RNF144B: variants seen among roughly 807,000 people sequenced by gnomAD.
RNF144B encodes the protein E3 ubiquitin-protein ligase RNF144B.
In RNF144B, 25 loss-of-function variants were observed where a neutral mutation model predicts 40.2. The observed-to-expected ratio is 0.62, with a 90% CI of 0.45 to 0.87. The LOEUF is 0.87. Ranked by LOEUF, RNF144B falls within the 40% of genes least tolerant of loss-of-function variation. The pLI is 0.00. For missense variants in RNF144B, 365 were observed against 373.7 expected (o/e 0.98, Z 0.19); for synonymous variants, 145 against 136.3 (o/e 1.06, Z -0.44).
chr6:18,397,964 C>T (rs562255160), intron 1 of RNF144B, among the ~76,000 whole-genome samples: 2 of 152,068 alleles, frequency 1.3e-5, no homozygotes, highest in Non-Finnish European at 2.9e-5. Context: ...AACTCTGTAC[C>T]CGTTGAACAT....
At chr6:18,411,282 G>A (rs1207751947) in intron 2 of RNF144B, among the ~76,000 whole-genome samples, 1 of 150,666 alleles carries the variant, frequency 6.6e-6, no homozygotes, top group Non-Finnish European at 1.5e-5. Flanking sequence ...CGTGCCCAGT[G>A]AAAGTACATT....
In RNF144B at chr6:18,388,500, AG is replaced by A. The variant is rs1220712183; in HGVS notation, c.-37+871del. On this transcript the variant is annotated intron_variant, in intron 1 of 7. Coordinates refer to ENST00000259939, the MANE Select transcript of RNF144B (RefSeq NM_182757.4). ...TGTGGGTAAGAGGCAAAAGGAACCT[AG>A]CCAGTCCTAACTGAGTTGCTGGCTA... Among the ~76,000 whole-genome samples, 3 of 152,220 alleles carry A rather than the reference AG, an allele frequency of 2.0e-5. No individual in the cohort carries two copies. In the East Asian group the frequency reaches 5.8e-4, roughly 29 times the overall value.
chr6:18,444,975 G>T lies in RNF144B; in HGVS notation c.331+5231G>T, dbSNP rs145934338. Among the ~76,000 whole-genome samples, 22 of 152,198 alleles carry T rather than the reference G, an allele frequency of 1.4e-4. No homozygotes were observed. Among genetic ancestry groups the T allele is most frequent in the African/African-American group, 4.8e-4 (20 of 41,524 alleles). On this transcript the variant is annotated intron_variant, in intron 4 of 7. Transcript: ENST00000259939. This position sits in a 1 kb window ranked among gnomAD's most constrained non-coding sequence, Gnocchi z 4.3. ...CCCAGCTTTTGTATCTGATCATAAA[G>T]GTTTTATTCCATCAGAGCTCCCTAT...
At chr6:18,455,209 T>A (rs1382103920) in intron 4 of RNF144B, among the ~76,000 whole-genome samples, 1 of 152,186 alleles carries the variant, frequency 6.6e-6, no homozygotes, top group Non-Finnish European at 1.5e-5. Flanking sequence ...CCATCTCTGT[T>A]GGGGTCTGAG....
rs911737593 is a variant in RNF144B at position 18,425,643 on chromosome 6, G to A, written c.166-1938G>A. On this transcript the variant is annotated intron_variant, in intron 2 of 7. Coordinates refer to ENST00000259939, the MANE Select transcript of RNF144B (RefSeq NM_182757.4). The surrounding 1 kb of genome is among the most constrained non-coding windows in gnomAD (Gnocchi z 4.2). ...ACAAGGAAGTCAGGGTTAAAACACA[G>A]TAATTATATGGCGGTCAAGTGCAAG... 3.9e-5 allele frequency among the ~76,000 whole-genome samples: 6 copies of A among 152,302 alleles called. No individual in the cohort carries two copies. The highest frequency in any genetic ancestry group is 1.4e-4 in the African/African-American group (6 of 41,582).
chr6:18,422,021 T>C lies in RNF144B; in HGVS notation c.166-5560T>C, dbSNP rs1758439586. ...CCAACACCTACAAGGGGGAGGTTGGTCACCTAAGTAATCTCATATTGGTGA... is the reference window on the plus strand; with the variant it reads ...CCAACACCTACAAGGGGGAGGTTGGCCACCTAAGTAATCTCATATTGGTGA... On this transcript the variant is annotated intron_variant, in intron 2 of 7. Transcript: ENST00000259939. The surrounding 1 kb of genome is among the most constrained non-coding windows in gnomAD (Gnocchi z 4.7). Among the ~76,000 whole-genome samples the C allele has an allele frequency of 6.6e-6, 1 of 152,166 alleles. No individual in the cohort carries two copies. Among genetic ancestry groups the C allele is most frequent in the South Asian group, 2.1e-4 (1 of 4,828 alleles).
Position 18,464,793 on chromosome 6 carries a change from G to T in RNF144B, c.772-134G>T. On this transcript the variant is annotated intron_variant, in intron 7 of 7. Transcript: ENST00000259939. This position sits in a 1 kb window ranked among gnomAD's most constrained non-coding sequence, Gnocchi z 6.1. ...TCGTCTCCAAATACCGTCACATCGG[G>T]GATTTAGGGTTTCAACATATGAGCT... 1.2e-6 allele frequency: 1 copy of T among 833,754 alleles called. No individual in the cohort carries two copies. 51.6% of individuals were successfully genotyped at this position (833,754 alleles called of 1,614,324 possible). A position where few individuals can be genotyped will look rare whatever the true frequency, so the allele number is the denominator to read the frequency against.
At position 18,456,333 on chromosome 6, in the gene RNF144B, A is replaced by G. The variant is rs925089833; in HGVS notation, c.332-822A>G. On this transcript the variant is annotated intron_variant, in intron 4 of 7. Transcript: ENST00000259939. The surrounding 1 kb of genome is among the most constrained non-coding windows in gnomAD (Gnocchi z 4.7). ...GCTAAGCCACACCAGATACTGTTTA[A>G]TCCCTAAACTATTTGATTATTTTCT... 5.9e-5 allele frequency among the ~76,000 whole-genome samples: 9 copies of G among 152,210 alleles called. No individual in the cohort carries two copies. Among genetic ancestry groups the G allele is most frequent in the African/African-American group, 1.9e-4 (8 of 41,456 alleles).
intron 2 of RNF144B, among the ~76,000 whole-genome samples, chr6:18,427,039 G>T (rs778004780): frequency 2.6e-5 from 4 of 152,068 alleles, no homozygotes; most frequent in African/African-American, 4.8e-5. Flanking sequence ...AGTTATCTTT[G>T]CTGTCCCCAG....
intron 2 of RNF144B, among the ~76,000 whole-genome samples, chr6:18,404,121 G>A (rs1014742923): frequency 6.6e-6 from 1 of 152,212 alleles, no homozygotes; most frequent in Non-Finnish European, 1.5e-5. Context: ...GACATTTACA[G>A]TTTGGGAGGA....
At position 18,422,904 on chromosome 6, in the gene RNF144B, C is replaced by A. The variant is rs921103465; in HGVS notation, c.166-4677C>A. ...CCAGGAGTTTGAGGTTTGCAATGAG[C>A]CATAATTGTGCCACTGCACCCTGGG... On this transcript the variant is annotated intron_variant, in intron 2 of 7. Coordinates refer to ENST00000259939, the MANE Select transcript of RNF144B (RefSeq NM_182757.4). The surrounding 1 kb of genome is among the most constrained non-coding windows in gnomAD (Gnocchi z 4.7). 1.3e-5 allele frequency among the ~76,000 whole-genome samples: 2 copies of A among 151,212 alleles called. No individual in the cohort carries two copies. The highest frequency in any genetic ancestry group is 4.9e-5 in the African/African-American group (2 of 41,072).
At chr6:18,407,989 T>TC (rs1491047549) in intron 2 of RNF144B, among the ~76,000 whole-genome samples, 1 of 149,640 alleles carries the variant, frequency 6.7e-6, no homozygotes, top group African/African-American at 2.4e-5. Context: ...TTTTTCTTTT[T>TC]TTTTTTTTTT....
In RNF144B at chr6:18,458,185, G is replaced by A. The variant is rs959871093; in HGVS notation, c.536+826G>A. On this transcript the variant is annotated intron_variant, in intron 5 of 7. Transcript: ENST00000259939. This position sits in a 1 kb window ranked among gnomAD's most constrained non-coding sequence, Gnocchi z 4.8. ...AATCCTGACCTCAAGTGATCCACCCGCCTAGGCCTCCCAAAGTGCTAGGAT... is the reference window on the plus strand; with the variant it reads ...AATCCTGACCTCAAGTGATCCACCCACCTAGGCCTCCCAAAGTGCTAGGAT... Among the ~76,000 whole-genome samples, 17 of 152,060 alleles carry A rather than the reference G, an allele frequency of 1.1e-4. No homozygotes were observed. Among genetic ancestry groups the A allele is most frequent in the African/African-American group, 2.4e-4 (10 of 41,404 alleles).
intron 1 of RNF144B, among the ~76,000 whole-genome samples, chr6:18,392,855 A>T (rs114633911): frequency 0.01 from 1,536 of 152,288 alleles, 27 homozygotes; most frequent in African/African-American, 0.035. Context: ...AATATCATGT[A>T]TGTACTCATT....
rs1795008190 is a variant in RNF144B at position 18,410,328 on chromosome 6, A to G, written c.165+10629A>G. ...GTTAATTGTGGAGCAAGTGGCAGTCATCAGACACAACCAGCCCTGCTGTTA... is the reference window on the plus strand; with the variant it reads ...GTTAATTGTGGAGCAAGTGGCAGTCGTCAGACACAACCAGCCCTGCTGTTA... On this transcript the variant is annotated intron_variant, in intron 2 of 7. Coordinates refer to ENST00000259939, the MANE Select transcript of RNF144B (RefSeq NM_182757.4). This position sits in a 1 kb window ranked among gnomAD's most constrained non-coding sequence, Gnocchi z 4.6. 6.6e-6 allele frequency among the ~76,000 whole-genome samples: 1 copy of G among 152,218 alleles called. No homozygotes were observed. The highest frequency in any genetic ancestry group is 2.4e-5 in the African/African-American group (1 of 41,460).
intron 2 of RNF144B, among the ~76,000 whole-genome samples, chr6:18,424,396 A>G (rs377194993): frequency 8.3e-4 from 127 of 152,326 alleles, no homozygotes; most frequent in African/African-American, 3.0e-3. Flanking sequence ...CTGTAGGACT[A>G]CTTAGCAACC....
In RNF144B at chr6:18,406,364, G is replaced by A. The variant is rs1794905332; in HGVS notation, c.165+6665G>A. Among the ~76,000 whole-genome samples, 1 of 151,968 alleles carries A rather than the reference G, an allele frequency of 6.6e-6. No individual in the cohort carries two copies. Among genetic ancestry groups the A allele is most frequent in the Non-Finnish European group, 1.5e-5 (1 of 67,994 alleles). ...GCCATACAGATATCTGGGAGAAGAG[G>A]GTTGTAGGCAGAGGGAAGCAGTATG... On this transcript the variant is annotated intron_variant, in intron 2 of 7. Coordinates refer to ENST00000259939, the MANE Select transcript of RNF144B (RefSeq NM_182757.4). This position sits in a 1 kb window ranked among gnomAD's most constrained non-coding sequence, Gnocchi z 4.2.
At position 18,444,140 on chromosome 6, in the gene RNF144B, T is replaced by C. The variant is rs1759026999; in HGVS notation, c.331+4396T>C. On this transcript the variant is annotated intron_variant, in intron 4 of 7. Coordinates refer to ENST00000259939, the MANE Select transcript of RNF144B (RefSeq NM_182757.4). The surrounding 1 kb of genome is among the most constrained non-coding windows in gnomAD (Gnocchi z 4.3). ...ATTTGCTCAGCTTGTCCTTTATGTC[T>C]TTAAGTCTGACGGAAAATATTTTGA... Among the ~76,000 whole-genome samples, 1 of 152,254 alleles carries C rather than the reference T, an allele frequency of 6.6e-6. No homozygotes were observed. The highest frequency in any genetic ancestry group is 2.4e-5 in the African/African-American group (1 of 41,472).
In RNF144B at chr6:18,457,483, TC is replaced by T. The variant is rs1759356377; in HGVS notation, c.536+127del. On this transcript the variant is annotated intron_variant, in intron 5 of 7. Coordinates refer to ENST00000259939, the MANE Select transcript of RNF144B (RefSeq NM_182757.4). The surrounding 1 kb of genome is among the most constrained non-coding windows in gnomAD (Gnocchi z 5.1). ...AGATTGGTTATTTTCCTGCAGAACT[TC>T]CCTGAGAAGTGTCTCAGAATTGGTA... 5.4e-5 allele frequency: 41 copies of T among 757,238 alleles called. 2 individuals carry two copies. In the South Asian group the frequency reaches 6.1e-4, roughly 11 times the overall value. 46.9% of individuals were successfully genotyped at this position (757,238 alleles called of 1,614,324 possible).
Sources: allele counts gnomAD v4.1 joint callset (sites outside exome capture counted in the v4.1 genomes callset), GRCh38; gene constraint gnomAD v4.1.1; non-coding constraint Gnocchi (gnomAD v3.1); transcripts MANE v1.5; gene names NCBI Gene and HGNC (gene_info 2026-07-23, HGNC 2026-07-21).